The following PRX variants were observed in gnomAD, a reference collection of about 807,000 sequenced individuals.
PRX encodes the protein periaxin.
A neutral mutation model predicts 29.6 loss-of-function variants in PRX; 24 were observed. The ratio of observed to expected loss-of-function variants is 0.81; its 90% CI spans 0.59 to 1.14. The LOEUF is 1.14. Among genes scored for constraint, PRX ranks in the 50% most tolerant of loss-of-function variants. The probability of loss-of-function intolerance (pLI) is 0.00; values close to 1 mark genes in which losing one functional copy is unlikely to be tolerated. For missense variants in PRX, 1,838 were observed against 1,926.4 expected (o/e 0.95, Z 0.86); for synonymous variants, 772 against 831.7 (o/e 0.93, Z 1.24).
chr19:40,409,520 TGGAGTGAA>T (rs771519339), intron 1 of PRX, among the ~76,000 whole-genome samples: 4 of 151,418 alleles, frequency 2.6e-5, no homozygotes, highest in Non-Finnish European at 5.9e-5. Flanking sequence ...TTGTCCAAGC[TGGAGTGAA>T]GTGGTGCGAA....
intron 5 of PRX, among the ~76,000 whole-genome samples, chr19:40,402,830 T>C (rs2145740059): frequency 6.7e-6 from 1 of 149,292 alleles, no homozygotes. Flanking sequence ...GTGCAGGGAC[T>C]GTTGTTCAGT....
rs1450190671 is a variant in PRX at position 40,396,436 on chromosome 19, A to C, written c.1916T>G (p.Val639Gly). Residue 639 changes from valine to glycine, a missense_variant, in exon 7 of 7, where the codon GTG becomes GGG. Val to Gly is a moderately radical substitution (Grantham distance 109). Coordinates refer to ENST00000324001, the MANE Select transcript of PRX (RefSeq NM_181882.3). ...CATCTCGGGCACCTTCGGGAGTTTC[A>C]CCTCAGGGAGTTTCATCTCAGGGAG... ...MKLPEMKLPE[V>G]KLPKVPEMAV... 8 of 1,612,900 alleles carry C rather than the reference A, an allele frequency of 5.0e-6. No homozygotes were observed. The Middle Eastern group carries it at 8.3e-4, about 167-fold the overall frequency.
chr19:40,398,371 C>A lies in PRX; in HGVS notation c.381+249G>T. The A allele has an allele frequency of 7.0e-7, 1 of 1,437,846 alleles. No individual in the cohort carries two copies. The allele number at this position is 1,437,846 out of a possible 1,614,324, so 89.1% of individuals were successfully genotyped here. A position where few individuals can be genotyped will look rare whatever the true frequency, so the allele number is the denominator to read the frequency against. On this transcript the variant is annotated intron_variant, in intron 6 of 6. Transcript: ENST00000324001. This position sits in a 1 kb window ranked among gnomAD's most constrained non-coding sequence, Gnocchi z 6.3. ...TTCGAAGTAGCCTGGTTCAGGACCC[C>A]TAGCAAGCCTGGATCCGATGGTGGG...
chr19:40,404,391 C>G (rs2079517995), intron 4 of PRX, among the ~76,000 whole-genome samples: 1 of 28,132 alleles, frequency 3.6e-5, no homozygotes, highest in Non-Finnish European at 7.3e-5. Context: ...GGACCAGGAT[C>G]GTGGGGGCGT....
intron 4 of PRX, among the ~76,000 whole-genome samples, chr19:40,406,358 G>A (rs571274886): frequency 3.5e-4 from 53 of 152,090 alleles, no homozygotes; most frequent in African/African-American, 1.3e-3. Flanking sequence ...GATTACAGGT[G>A]TGAGCCATCG....
chr19:40,394,931 C>T lies in PRX; in HGVS notation c.3421G>A (p.Ala1141Thr), dbSNP rs775625331. 7.5e-6 allele frequency: 12 copies of T among 1,609,278 alleles called. No individual in the cohort carries two copies. Among genetic ancestry groups the T allele is most frequent in the Admixed American group, 5.0e-5 (3 of 59,980 alleles). The change falls in exon 7 of 7, where the codon GCG (alanine) becomes ACG (threonine). Residue 1141 changes from alanine to threonine, a missense_variant. Ala to Thr is a moderately conservative substitution (Grantham distance 58). Coordinates refer to ENST00000324001, the MANE Select transcript of PRX (RefSeq NM_181882.3). This position sits in a 1 kb window ranked among gnomAD's most constrained non-coding sequence, Gnocchi z 5.8. The part of the protein sequence containing the change: ...AGQVVTEGHD[A>T]GLRMPPLGIS... ...CCCAGCGGAGGCATCCTCAGCCCCG[C>T]GTCATGGCCCTCAGTGACCACCTGC...
Position 40,395,287 on chromosome 19 carries a change from G to T in PRX, c.3065C>A (p.Ala1022Asp). 1 of 1,613,634 alleles carries T rather than the reference G, an allele frequency of 6.2e-7. No homozygotes were observed. Reference protein sequence around the residue: ...ADLKFKGPRFALPKFGVRGRD... With the variant: ...ADLKFKGPRFDLPKFGVRGRD... ...GCCTCTGACCCCAAACTTGGGGAGA[G>T]CAAACCTGGGCCCCTTGAACTTGAG... The change falls in exon 7 of 7, where the codon GCT (alanine) becomes GAT (aspartate). Residue 1022 changes from alanine to aspartate, a missense_variant. Ala to Asp is a moderately radical substitution (Grantham distance 126, BLOSUM62 -2). This residue lies in a region of PRX where 1,143 missense variants were observed against 1,193.0 expected (regional missense o/e 0.96). Coordinates refer to ENST00000324001, the MANE Select transcript of PRX (RefSeq NM_181882.3).
At chr19:40,408,940 C>G (rs1407202141) in intron 1 of PRX, among the ~76,000 whole-genome samples, 1 of 152,132 alleles carries the variant, frequency 6.6e-6, no homozygotes, top group East Asian at 1.9e-4. Flanking sequence ...AAGTGATTCT[C>G]CCGCCTCAGC....
At chr19:40,412,915 G>T (rs2079565207) in intron 1 of PRX, among the ~76,000 whole-genome samples, 1 of 152,100 alleles carries the variant, frequency 6.6e-6, no homozygotes, top group Admixed American at 6.5e-5. Flanking sequence ...TTGTAGAGAT[G>T]GGGGCCTCTC....
chr19:40,400,979 C>A (rs78599051), intron 5 of PRX, among the ~76,000 whole-genome samples: 4,614 of 152,262 alleles, frequency 0.03, 246 homozygotes, highest in African/African-American at 0.11. Flanking sequence ...CCACACCACA[C>A]CTCTCCTTTA....
rs2145726580 is a variant in PRX at position 40,394,959 on chromosome 19, G to A, written c.3393C>T (p.Ala1131=). ...CATGGCCCTCAGTGACCACCTGCCC[G>A]GCTGTGGACACCTTCAGGCCTGACA... ...MQLSGLKVST[A]GQVVTEGHDA... is the part of the protein sequence containing the mutation. The change falls in exon 7 of 7, where the codon GCC becomes GCT. Residue 1131 remains alanine (A), a synonymous_variant. Coordinates refer to ENST00000324001, the MANE Select transcript of PRX (RefSeq NM_181882.3). The surrounding 1 kb of genome is among the most constrained non-coding windows in gnomAD (Gnocchi z 5.8). 1 of 1,607,982 alleles carries A rather than the reference G, an allele frequency of 6.2e-7. No homozygotes were observed. The highest frequency in any genetic ancestry group is 8.5e-7 in the Non-Finnish European group (1 of 1,178,942).
intron 1 of PRX, among the ~76,000 whole-genome samples, chr19:40,408,975 CACGCACCTTGGGACTACAGGT>C (rs1344775946): frequency 6.6e-6 from 1 of 151,866 alleles, no homozygotes; most frequent in Non-Finnish European, 1.5e-5. Flanking sequence ...GGACTACAGG[CACGCACCTTGGGACTACAGGT>C]ACGCACCGCC....
At position 40,397,337 on chromosome 19, in the gene PRX, A is replaced by C. The variant is rs1031492298; in HGVS notation, c.1015T>G (p.Leu339Val). 2.5e-6 allele frequency: 4 copies of C among 1,613,062 alleles called. No homozygotes were observed. Among genetic ancestry groups the C allele is most frequent in the Middle Eastern group, 1.6e-4 (1 of 6,062 alleles). Residue 339 changes from leucine (L) to valine (V), a missense_variant, in exon 7 of 7, where the codon TTG becomes GTG. Physicochemically the swap from Leu to Val is conservative, Grantham distance 32. Around this residue, in one of 3 missense-constraint regions of PRX, gnomAD observed 666 missense variants for 665.0 expected, o/e 1.00. Transcript: ENST00000324001. ...AAPTVGVDLA[L>V]PGAEVEARGE... The stretch of plus-strand genomic sequence containing the variant: ...CGGGCCTCCACCTCTGCACCCGGCA[A>C]GGCCAGGTCCACCCCCACAGTCGGT...
In PRX at chr19:40,394,345, A is replaced by C; in HGVS notation, c.4007T>G (p.Val1336Gly). 1 of 1,606,058 alleles carries C rather than the reference A, an allele frequency of 6.2e-7. No homozygotes were observed. The highest frequency in any genetic ancestry group is 8.5e-7 in the Non-Finnish European group (1 of 1,176,220). ...GACCATCTCACTTTGGCTGAAGCCC[A>C]CTCGGGGCAGCCTGAGTTTGGGGCT... is the stretch of plus-strand genomic sequence containing the variant. ...AKSPKLRLPR[V>G]GFSQSEMVTG... Residue 1336 changes from valine to glycine, a missense_variant, in exon 7 of 7, where the codon GTG (valine) becomes GGG (glycine). By Grantham distance (109) the Val-to-Gly change is moderately radical. Transcript: ENST00000324001. This position sits in a 1 kb window ranked among gnomAD's most constrained non-coding sequence, Gnocchi z 5.8.
rs755650027 is a variant in PRX at position 40,397,350 on chromosome 19, C to T, written c.1002G>A (p.Gly334=). ...PTLDVAAPTV[G]VDLALPGAEV... ...CTGCACCCGGCAAGGCCAGGTCCAC[C>T]CCCACAGTCGGTGCTGCCACATCCA... is the stretch of plus-strand genomic sequence containing the variant. Residue 334 remains glycine, a synonymous_variant, in exon 7 of 7, where the codon GGG becomes GGA. Transcript: ENST00000324001. The T allele has an allele frequency of 1.9e-6, 3 of 1,612,988 alleles. No individual in the cohort carries two copies. Among genetic ancestry groups the T allele is most frequent in the Non-Finnish European group, 2.5e-6 (3 of 1,179,920 alleles).
chr19:40,406,771 C>CT (rs59493934), intron 4 of PRX, among the ~76,000 whole-genome samples: 20,777 of 121,204 alleles, frequency 0.17, 2,651 homozygotes, highest in African/African-American at 0.35. Flanking sequence ...ACCTCCATTT[C>CT]TTTTTTTTTT....
Position 40,398,434 on chromosome 19 carries a change from G to A in PRX, c.381+186C>T. On this transcript the variant is annotated intron_variant, in intron 6 of 6. Coordinates refer to ENST00000324001, the MANE Select transcript of PRX (RefSeq NM_181882.3). The surrounding 1 kb of genome is among the most constrained non-coding windows in gnomAD (Gnocchi z 6.3). ...AGGTGGGTGAGGGCCCTGGGCTGGG[G>A]TGGGTCTGTCCCCCTTCCCGGGGAA... 6.6e-7 allele frequency: 1 copy of A among 1,504,578 alleles called. No individual in the cohort carries two copies. The highest frequency in any genetic ancestry group is 2.3e-5 in the East Asian group (1 of 43,740). The allele number at this position is 1,504,578 out of a possible 1,614,324, so 93.2% of individuals were successfully genotyped here.
chr19:40,401,823 A>G (rs1459784035), intron 5 of PRX, among the ~76,000 whole-genome samples: 1 of 148,448 alleles, frequency 6.7e-6, no homozygotes, highest in African/African-American at 2.5e-5. Context: ...GCTGGAGTGA[A>G]GTGGCGCGAA....
chr19:40,409,191 GT>G (rs1364954627), intron 1 of PRX, among the ~76,000 whole-genome samples: 3 of 151,798 alleles, frequency 2.0e-5, no homozygotes, highest in Non-Finnish European at 4.4e-5. Flanking sequence ...TAGAGATGGA[GT>G]CTCCCTAGGT....
Sources: gnomAD v4.1 joint callset for allele counts (sites outside exome capture counted in the v4.1 genomes callset) on GRCh38, gnomAD v4.1.1 for gene constraint, gnomAD v4.1.1 regional missense constraint, Gnocchi (gnomAD v3.1) non-coding constraint, MANE v1.5 for transcripts, NCBI Gene and HGNC (gene_info 2026-07-23, HGNC 2026-07-21) for gene names.